CDH12: variants seen among roughly 807,000 people sequenced by gnomAD.
CDH12 encodes cadherin 12, also known as cadherin-12.
Under a neutral mutation model 74.1 loss-of-function variants are expected in CDH12, and 41 were observed. That is an observed-to-expected ratio of 0.55 (90% confidence interval 0.43 to 0.72). CDH12 has a LOEUF of 0.72. CDH12 is among the 30% of genes least tolerant of loss of function. The pLI, the probability that CDH12 is intolerant of heterozygous loss-of-function variation, is 0.00. For synonymous variants in CDH12, 399 were observed against 355.0 expected (o/e 1.12, Z -1.39); for missense variants, 945 against 977.2 (o/e 0.97, Z 0.44).
chr5:22,008,311 C>A, intron 5 of CDH12, among the ~76,000 whole-genome samples: 1 of 151,932 alleles, frequency 6.6e-6, no homozygotes, highest in East Asian at 1.9e-4. Context: ...CTCACTGTAA[C>A]CTCCACCTCC....
At chr5:21,777,096 T>A (rs1359757825) in intron 11 of CDH12, among the ~76,000 whole-genome samples, 1 of 152,206 alleles carries the variant, frequency 6.6e-6, no homozygotes, top group Non-Finnish European at 1.5e-5. Context: ...TAATTAAACA[T>A]AAAGTTATTT....
Position 22,404,724 on chromosome 5 carries a change from C to T in CDH12, c.-333+533G>A, listed in dbSNP as rs116807664. Among the ~76,000 whole-genome samples the T allele has an allele frequency of 4.1e-3, 630 of 152,216 alleles. 7 individuals carry two copies. The highest frequency in any genetic ancestry group is 0.015 in the African/African-American group (603 of 41,542). On this transcript the variant is annotated intron_variant, in intron 3 of 14. Coordinates refer to ENST00000382254, the MANE Select transcript of CDH12 (RefSeq NM_004061.5). ...CAAAGGAAGTATGTGTTTGAGGAAA[C>T]AACTTTTGCAATTAGAGGCCTGCAT...
At position 21,963,093 on chromosome 5, in the gene CDH12, CGATAGATAGATAGATA is replaced by C. The variant is rs199706779; in HGVS notation, c.526+11982_526+11997del. Among the ~76,000 whole-genome samples the C allele has an allele frequency of 2.6e-3, 386 of 150,962 alleles. 1 individual carries two copies. Among genetic ancestry groups the C allele is most frequent in the Non-Finnish European group, 3.8e-3 (260 of 67,730 alleles). On this transcript the variant is annotated intron_variant, in intron 6 of 14. Transcript: ENST00000382254. ...GCAACTTTAAGCTATTTACAAATAT[CGATAGATAGATAGATA>C]GATAGATAGATAGATAGAGAGATGA...
chr5:22,250,738 T>A (rs1753107465), intron 3 of CDH12, among the ~76,000 whole-genome samples: 1 of 152,186 alleles, frequency 6.6e-6, no homozygotes, highest in Non-Finnish European at 1.5e-5. Flanking sequence ...ACGTGAGGCG[T>A]GATCAGACAT....
chr5:22,800,615 GA>G (rs1396469906), intron 1 of CDH12, among the ~76,000 whole-genome samples: 7 of 151,898 alleles, frequency 4.6e-5, no homozygotes, highest in Non-Finnish European at 8.8e-5. Context: ...TATGAGTTTT[GA>G]TAAATATTTA....
intron 1 of CDH12, among the ~76,000 whole-genome samples, chr5:22,685,838 G>A (rs1727697125): frequency 6.6e-6 from 1 of 152,116 alleles, no homozygotes; most frequent in African/African-American, 2.4e-5. Flanking sequence ...TCAGTATTAT[G>A]ATTAATGCCA....
intron 6 of CDH12, among the ~76,000 whole-genome samples, chr5:21,971,442 C>A (rs1179505563): frequency 2.6e-5 from 4 of 152,026 alleles, no homozygotes; most frequent in African/African-American, 4.8e-5. Context: ...CACATGGCAC[C>A]TGACTACTGC....
intron 5 of CDH12, among the ~76,000 whole-genome samples, chr5:21,990,985 T>G (rs1464360760): frequency 1.3e-5 from 2 of 151,026 alleles, no homozygotes; most frequent in African/African-American, 2.4e-5. Flanking sequence ...CCAAAAAAGC[T>G]GAATCTATGT....
intron 3 of CDH12, among the ~76,000 whole-genome samples, chr5:22,219,772 G>C (rs531910394): frequency 6.6e-6 from 1 of 151,614 alleles, no homozygotes; most frequent in South Asian, 2.1e-4. Flanking sequence ...CCTTGGGCTC[G>C]TTGCTTCACA....
intron 5 of CDH12, among the ~76,000 whole-genome samples, chr5:21,999,972 A>G (rs933506177): frequency 2.7e-4 from 41 of 152,172 alleles, no homozygotes; most frequent in African/African-American, 9.7e-4. Context: ...CTTTTGCACT[A>G]CTAGGCATTA....
chr5:22,747,284 T>C (rs1312943346), intron 1 of CDH12, among the ~76,000 whole-genome samples: 1 of 152,096 alleles, frequency 6.6e-6, no homozygotes, highest in Non-Finnish European at 1.5e-5. Context: ...AAAGAAAATG[T>C]CCAAATGAAT....
At position 22,505,345 on chromosome 5, in the gene CDH12, C is replaced by G. The variant is rs1230094226; in HGVS notation, c.-503G>C. 3.0e-6 allele frequency: 3 copies of G among 983,614 alleles called. No homozygotes were observed. The African/African-American group carries it at 5.3e-5, about 17-fold the overall frequency. 60.9% of individuals were successfully genotyped at this position (983,614 alleles called of 1,614,324 possible). A position where few individuals can be genotyped will look rare whatever the true frequency, so the allele number is the denominator to read the frequency against. ...GCTTGTCTATATTTCCCAAAAGAGC[C>G]AAGCTGTTAGGTAACAAAGCTGGAA... On this transcript the variant is annotated 5_prime_UTR_variant, in exon 2 of 15. Transcript: ENST00000382254.
intron 4 of CDH12, among the ~76,000 whole-genome samples, chr5:22,207,787 A>T (rs1310204229): frequency 6.6e-6 from 1 of 152,216 alleles, no homozygotes; most frequent in African/African-American, 2.4e-5. Flanking sequence ...ATATAAACAC[A>T]GTGTTATGAA....
intron 5 of CDH12, among the ~76,000 whole-genome samples, chr5:22,023,684 C>T (rs1418039739): frequency 6.6e-6 from 1 of 151,916 alleles, no homozygotes; most frequent in Non-Finnish European, 1.5e-5. Flanking sequence ...GGCAAATTTA[C>T]TGTAAAGATA....
Position 21,802,301 on chromosome 5 carries a change from G to A in CDH12, c.1122C>T (p.Ser374=). The A allele has an allele frequency of 1.9e-6, 3 of 1,613,854 alleles. No homozygotes were observed. The highest frequency in any genetic ancestry group is 2.5e-6 in the Non-Finnish European group (3 of 1,179,954). The change falls in exon 10 of 15, where the codon AGC becomes AGT. Residue 374 remains serine (S), a synonymous_variant. Coordinates refer to ENST00000382254, the MANE Select transcript of CDH12 (RefSeq NM_004061.5). ...CCGGTGGCTCATCTACGTCCAGCAC[G>A]CTGATCTTCACCGTAGCTGTGTCTT... ...PFKDTATVKI[S]VLDVDEPPVF... is the part of the protein sequence containing the mutation.
chr5:22,093,194 A>G (rs1209837220), intron 4 of CDH12, among the ~76,000 whole-genome samples: 2 of 152,174 alleles, frequency 1.3e-5, no homozygotes, highest in African/African-American at 4.8e-5. Context: ...CTTATCTATT[A>G]CTAGCAGGTG....
chr5:22,726,756 A>G (rs1274824480), intron 1 of CDH12, among the ~76,000 whole-genome samples: 1 of 151,838 alleles, frequency 6.6e-6, no homozygotes, highest in Non-Finnish European at 1.5e-5. Context: ...GTTCTTGAAA[A>G]GCCTGAGTAT....
chr5:22,736,256 A>G (rs541497627), intron 1 of CDH12, among the ~76,000 whole-genome samples: 2 of 151,842 alleles, frequency 1.3e-5, no homozygotes, highest in African/African-American at 2.4e-5. Flanking sequence ...TGAGATATAC[A>G]TAACTTCCTC....
At chr5:22,297,347 G>A (rs1433553663) in intron 3 of CDH12, among the ~76,000 whole-genome samples, 1 of 152,118 alleles carries the variant, frequency 6.6e-6, no homozygotes, top group African/African-American at 2.4e-5. Flanking sequence ...TTTTAGAAAT[G>A]TGTATTTCTA....
Sources: allele counts gnomAD v4.1 joint callset (sites outside exome capture counted in the v4.1 genomes callset), GRCh38; gene constraint gnomAD v4.1.1; transcripts MANE v1.5; gene names NCBI Gene and HGNC (gene_info 2026-07-23, HGNC 2026-07-21).